The following RPS29 variants were observed in gnomAD, a reference collection of about 807,000 sequenced individuals.
The protein encoded by RPS29 is small ribosomal subunit protein uS14.
For missense variants in RPS29, 60 were observed against 75.7 expected (o/e 0.79, Z 0.77); for synonymous variants, 37 against 26.9 (o/e 1.37, Z -1.16).
At chr14:49,593,433 GTGGC>G (rs1881756789) in intron 1 of RPS29, among the ~76,000 whole-genome samples, 2 of 152,160 alleles carry the variant, frequency 1.3e-5, no homozygotes, top group Admixed American at 1.3e-4. Context: ...GCCGGGCGCA[GTGGC>G]TCATGCCTGT....
exon 1 of RPS29, chr14:49,598,532 A>T: frequency 1.4e-6 from 1 of 702,282 alleles, no homozygotes; most frequent in South Asian, 1.5e-5. Flanking sequence ...CGCGCCGGGA[A>T]ATGCGCCCTC....
intron 1 of RPS29, chr14:49,597,713 A>T (rs1881865612): frequency 6.6e-6 from 1 of 150,924 alleles, no homozygotes; most frequent in South Asian, 2.1e-4. Flanking sequence ...GCGCGATTAC[A>T]GCTCACCGGA....
At chr14:49,579,022 ATTG>A (rs1881265420), downstream of RPS29, among the ~76,000 whole-genome samples, 1 of 152,146 alleles carries the variant, frequency 6.6e-6, no homozygotes, top group African/African-American at 2.4e-5. Context: ...ACCTCAGGGA[ATTG>A]TTGTATTAAA....
At chr14:49,573,837 G>T (rs1189166705) in exon 3 of RPS29, 1 of 152,208 alleles carries the variant, frequency 6.6e-6, no homozygotes, top group East Asian at 1.9e-4. Flanking sequence ...TACCATCAAA[G>T]GAAGAATAGA....
intron 1 of RPS29, chr14:49,598,305 A>G: frequency 1.6e-6 from 1 of 607,294 alleles, no homozygotes; most frequent in Non-Finnish European, 2.9e-6. Context: ...TAGTTCAATC[A>G]ATCAAGAAAA....
exon 1 of RPS29, chr14:49,598,553 G>A (rs1006818773): frequency 8.5e-6 from 6 of 702,206 alleles, no homozygotes; most frequent in South Asian, 1.5e-5. Flanking sequence ...GCTGGCTTAC[G>A]GGGCCACTCA....
rs1380528285 is a variant in RPS29, at chr14:49,594,322, G to T, written c.-133+4078C>A. ...TTTCCAGAACTTTCAGAGCCTGGGGGACAGGGTGTGAACCTGTCTCAAAAA... is the reference window on the plus strand; with the variant it reads ...TTTCCAGAACTTTCAGAGCCTGGGGTACAGGGTGTGAACCTGTCTCAAAAA... On this transcript the variant is annotated intron_variant, in intron 1 of 3. Coordinates refer to the RPS29 transcript ENST00000556230. Among the ~76,000 whole-genome samples, 10 of 151,512 alleles carry T rather than the reference G, an allele frequency of 6.6e-5. No individual in the cohort carries two copies. The South Asian group carries it at 2.1e-3, about 32-fold the overall frequency.
chr14:49,596,630 A>T (rs934529289), intron 1 of RPS29, among the ~76,000 whole-genome samples: 8 of 152,210 alleles, frequency 5.3e-5, no homozygotes, highest in Non-Finnish European at 8.8e-5. Context: ...GACAATTAGG[A>T]AGATACATTT....
chr14:49,598,580 T>C (rs1321805279), exon 1 of RPS29: 3 of 702,044 alleles, frequency 4.3e-6, no homozygotes, highest in East Asian at 5.4e-5. Context: ...TCTAAGTGCC[T>C]TTCCCTGTAA....
exon 3 of RPS29, chr14:49,577,744 G>A: frequency 8.2e-7 from 1 of 1,212,862 alleles, no homozygotes; most frequent in East Asian, 2.3e-5. Flanking sequence ...CAGTGAACTT[G>A]GTGCTCTTTT....
chr14:49,577,024 T>A (rs769191157), exon 3 of RPS29: 5 of 152,294 alleles, frequency 3.3e-5, no homozygotes, highest in African/African-American at 4.8e-5. Context: ...GGAGGATCCC[T>A]TGAGGTCAGG....
At chr14:49,588,210 G>C (rs1464988795), upstream of RPS29, among the ~76,000 whole-genome samples, 1 of 152,116 alleles carries the variant, frequency 6.6e-6, no homozygotes, top group African/African-American at 2.4e-5. Flanking sequence ...TGATATATAA[G>C]CCTTTGGGCC....
chr14:49,598,288 C>T, intron 1 of RPS29: 1 of 598,806 alleles, frequency 1.7e-6, no homozygotes, highest in Non-Finnish European at 3.0e-6. Flanking sequence ...CCAGCCGGGC[C>T]CCGTCCTAGT....
intron 1 of RPS29, chr14:49,598,169 T>G: frequency 2.0e-6 from 1 of 508,040 alleles, no homozygotes; most frequent in Non-Finnish European, 3.5e-6. Flanking sequence ...ACGGCTAGGA[T>G]TAGGTTAAGG....
upstream of RPS29, among the ~76,000 whole-genome samples, chr14:49,588,856 C>CTTCTTACAGT (rs1348583249): frequency 4.1e-5 from 5 of 121,292 alleles, no homozygotes; most frequent in African/African-American, 1.5e-4. Flanking sequence ...ATCCTGTAGT[C>CTTCTTACAGT]TTCTTACAGT....
upstream of RPS29, chr14:49,586,625 C>CT (rs1317149359): frequency 1.1e-5 from 5 of 469,784 alleles, no homozygotes; most frequent in East Asian, 4.0e-5. Context: ...ACTCGGGAGG[C>CT]TGAGGCTGGA....
intron 1 of RPS29, among the ~76,000 whole-genome samples, chr14:49,594,580 C>G (rs1345853477): frequency 1.3e-5 from 2 of 152,104 alleles, no homozygotes; most frequent in Non-Finnish European, 2.9e-5. Context: ...TTGCAGATAC[C>G]AGGATGAAAT....
chr14:49,577,713 CAT>C, exon 3 of RPS29: 2 of 931,874 alleles, frequency 2.1e-6, no homozygotes, highest in South Asian at 1.3e-5. Flanking sequence ...TTAATTTTGA[CAT>C]ATCAGTCTGA....
At chr14:49,573,210 T>C (rs945915397) in exon 3 of RPS29, 12 of 152,128 alleles carry the variant, frequency 7.9e-5, no homozygotes, top group Admixed American at 7.9e-4. Flanking sequence ...GGCTCATGCC[T>C]GTAATCCCAG....
Sources: gnomAD v4.1 joint callset for allele counts (sites outside exome capture counted in the v4.1 genomes callset) on GRCh38, gnomAD v4.1.1 for gene constraint, MANE v1.5 for transcripts, NCBI Gene and HGNC (gene_info 2026-07-23, HGNC 2026-07-21) for gene names.